Variants in TIMM17B observed in about 807,000 individuals in gnomAD.
TIMM17B encodes the protein mitochondrial import inner membrane translocase subunit Tim17-B.
Under a neutral mutation model 15.9 loss-of-function variants are expected in TIMM17B, and 10 were observed. The observed-to-expected ratio is 0.63, with a 90% confidence interval of 0.39 to 1.06. The LOEUF is 1.06. Among genes scored for constraint, TIMM17B ranks in the 50% least tolerant of loss-of-function variants. TIMM17B has a pLI of 0.01. For missense variants in TIMM17B, 114 were observed against 152.2 expected, an observed-to-expected ratio of 0.75 and a Z score of 1.32; for synonymous variants, 57 against 57.2, an observed-to-expected ratio of 1.00 and a Z score of 0.02.
Position 48,893,973 on chromosome X carries a change from C to T in TIMM17B, c.357G>A (p.Gly119=), listed in dbSNP as rs782648777. The T allele has an allele frequency of 6.7e-5, 81 of 1,208,558 alleles. 1 individual carries two copies. In the South Asian group the frequency reaches 1.4e-3, roughly 20 times the overall value. Residue 119 remains glycine, a synonymous_variant, in exon 6 of 7, where the codon GGG becomes GGA. Coordinates refer to ENST00000376582, the Ensembl canonical transcript of TIMM17B. ...CCTCAATGAGGGCCAACAGGATGCC[C>T]CCCATCATTGCTGAGCCCACCATGG...
intron 3 of TIMM17B, 146 bp from the exon 3 acceptor site, chrX:48,895,247 G>A (rs1227235589): frequency 1.4e-5 from 7 of 512,797 alleles, no homozygotes; most frequent in Admixed American, 1.2e-4. Context: ...CTAGTGGCCT[G>A]GAGAGCGCCC....
At chrX:48,895,750 G>C (rs1388610556) in intron 3 of TIMM17B, 28 of 311,345 alleles carry the variant, frequency 9.0e-5, no homozygotes, top group Non-Finnish European at 1.6e-4. Flanking sequence ...CAGAGAAAAA[G>C]AATTATGTTA....
In TIMM17B at chrX:48,893,827, G is replaced by T; in HGVS notation, c.431-10C>A. ...TCCAGGAATGGGGGCGCTGGAGAAG[G>T]GAGACTTGGGTAAGGATGAGTGGAA... On this transcript the variant is annotated splice_polypyrimidine_tract_variant and intron_variant, in intron 6 of 6. Coordinates refer to ENST00000376582, the Ensembl canonical transcript of TIMM17B. 8.4e-7 allele frequency: 1 copy of T among 1,184,344 alleles called. No homozygotes were observed. The highest frequency in any genetic ancestry group is 3.0e-5 in the East Asian group (1 of 33,455).
intron 3 of TIMM17B, 95 bp from the exon 3 acceptor site, chrX:48,895,196 T>TA: frequency 1.3e-6 from 1 of 749,654 alleles, no homozygotes; most frequent in Non-Finnish European, 2.0e-6. Flanking sequence ...GGAGACCTGT[T>TA]AGAGGTATGA....
intron 2 of TIMM17B, 180 bp downstream of exon 1, chrX:48,897,544 G>C: frequency 2.2e-6 from 1 of 459,860 alleles, no homozygotes; most frequent in Admixed American, 3.4e-5. Flanking sequence ...ACCTTCTCTG[G>C]TTGTGGCCCC....
exon 5 of TIMM17B, chrX:48,894,210 C>A (rs782009596): frequency 6.6e-6 from 8 of 1,207,487 alleles, no homozygotes; most frequent in South Asian, 1.8e-5. Flanking sequence ...CAGGCCCCCC[C>A]ACACTGCGAA....
chrX:48,895,530 G>A (rs1465822881), intron 3 of TIMM17B: 1 of 512,363 alleles, frequency 2.0e-6, no homozygotes, highest in East Asian at 3.6e-5. Flanking sequence ...GAAGAAATAT[G>A]ACTGGGGCTG....
At chrX:48,897,590 G>T (rs1557039809) in intron 2 of TIMM17B, 134 bp downstream of exon 1, 1 of 522,186 alleles carries the variant, frequency 1.9e-6, no homozygotes, top group Admixed American at 2.9e-5. Flanking sequence ...ACCGAGTGGG[G>T]GTAGCGGGAG....
chrX:48,897,764 G>A, exon 2 of TIMM17B: 9 of 1,209,070 alleles, frequency 7.4e-6, no homozygotes, highest in Non-Finnish European at 1.0e-5. Context: ...CTGGCGTCTG[G>A]CCGCGCAGTC....
At chrX:48,897,973 G>A in intron 1 of TIMM17B, 1 of 893,900 alleles carries the variant, frequency 1.1e-6, no homozygotes, top group Non-Finnish European at 1.5e-6. Flanking sequence ...GTTGAGAGAA[G>A]GTCTCATTCG....
At chrX:48,894,340 A>C in intron 4 of TIMM17B, 115 bp from the exon 4 acceptor site, 2 of 781,116 alleles carry the variant, frequency 2.6e-6, no homozygotes, top group Non-Finnish European at 3.7e-6. Context: ...CCCAGACACA[A>C]AGGCAGATAG....
Position 48,895,085 on chromosome X carries a change from A to T in TIMM17B, c.143T>A (p.Leu48Ter), listed in dbSNP as rs369898594. 4 of 1,198,907 alleles carry T rather than the reference A, an allele frequency of 3.3e-6. No homozygotes were observed. Among genetic ancestry groups the T allele is most frequent in the Non-Finnish European group, 4.5e-6 (4 of 889,154 alleles). ...CCTCACAGCATTGGCACTACCTCTC[A>T]ACCGGTGCCGAATTCCCTGGGGAAA... Residue 48 changes from leucine (L) to a stop codon, truncating the protein, a stop_gained, in exon 4 of 7, where the codon TTG (leucine) becomes TAG (stop). Transcript: ENST00000376582. LOFTEE classifies it high-confidence loss of function.
intron 3 of TIMM17B, chrX:48,896,550 T>C: frequency 2.6e-6 from 2 of 779,077 alleles, no homozygotes; most frequent in Non-Finnish European, 3.5e-6. Flanking sequence ...GGAGCTCCAG[T>C]TGGGTGGGGT....
chrX:48,893,773 C>T (rs1557039053), exon 7 of TIMM17B: 1 of 1,168,047 alleles, frequency 8.6e-7, no homozygotes, highest in Non-Finnish European at 1.1e-6. Flanking sequence ...GCCGGGGTGC[C>T]ATCCTTAGGG....
exon 2 of TIMM17B, chrX:48,897,768 C>T (rs782726099): frequency 1.7e-6 from 2 of 1,208,552 alleles, no homozygotes; most frequent in East Asian, 3.0e-5. Context: ...CGTCTGGCCG[C>T]GCAGTCAGGC....
At position 48,897,758 on chromosome X, in the gene TIMM17B, C is replaced by A. The variant is rs782355357; in HGVS notation, c.-9G>T. On this transcript the variant is annotated 5_prime_UTR_variant, in exon 2 of 7. Transcript: ENST00000376582. ...CGAGCGTACTCCTCCATGGCGCTGG[C>A]GTCTGGCCGCGCAGTCAGGCCACGC... is the stretch of plus-strand genomic sequence containing the variant. 2.2e-5 allele frequency: 26 copies of A among 1,207,757 alleles called. No individual in the cohort carries two copies. In the South Asian group the frequency reaches 4.4e-4, roughly 21 times the overall value.
In TIMM17B at chrX:48,896,868, G is replaced by C. The variant is rs782381288; in HGVS notation, c.27-10C>G. On this transcript the variant is annotated splice_polypyrimidine_tract_variant and intron_variant, in intron 2 of 6. Coordinates refer to ENST00000376582, the Ensembl canonical transcript of TIMM17B. Reference sequence around the variant, plus strand: ...CACAATTCGCCATGGGCTGCAAGCAGGAAGGGAAGGACGGGGTTAATGTGA... The same window carrying C: ...CACAATTCGCCATGGGCTGCAAGCACGAAGGGAAGGACGGGGTTAATGTGA... The C allele has an allele frequency of 8.3e-7, 1 of 1,210,650 alleles. No individual in the cohort carries two copies.
At chrX:48,894,055 A>T in intron 5 of TIMM17B, 42 bp downstream of exon 4, 1 of 1,197,792 alleles carries the variant, frequency 8.3e-7, no homozygotes, top group Non-Finnish European at 1.1e-6. Flanking sequence ...AGCAGGCAGA[A>T]CAGGGTGGAA....
At chrX:48,895,093 C>T (rs1361235217) in exon 4 of TIMM17B, 6 of 1,197,488 alleles carry the variant, frequency 5.0e-6, no homozygotes, top group Non-Finnish European at 6.8e-6. Context: ...TCAACCGGTG[C>T]CGAATTCCCT....
Sources: allele counts gnomAD v4.1 joint callset, GRCh38; gene constraint gnomAD v4.1.1; transcripts MANE v1.5; gene names NCBI Gene and HGNC (gene_info 2026-07-23, HGNC 2026-07-21).